Variants in TAFA4 observed in about 807,000 individuals in gnomAD.
TAFA4 encodes the protein chemokine-like protein TAFA-4.
A neutral mutation model predicts 21.1 loss-of-function variants in TAFA4; 20 were observed. The ratio of observed to expected loss-of-function variants is 0.95; its 90% CI spans 0.67 to 1.38. TAFA4 has a LOEUF of 1.38. TAFA4 is among the 40% of genes most tolerant of loss of function. The pLI, the probability that TAFA4 is intolerant of heterozygous loss-of-function variation, is 0.00. For synonymous variants in TAFA4, 71 were observed against 67.4 expected (o/e 1.05, Z -0.26); for missense variants, 211 against 180.9 (o/e 1.17, Z -0.95).
chr3:68,752,929 C>A lies in TAFA4; in HGVS notation c.220G>T (p.Val74Phe), dbSNP rs768423607. The stretch of plus-strand genomic sequence containing the variant: ...TGTCCCGGGAAGCAAGAGCACTTGA[C>A]CGTTTGTGACCGCTCTTCTATGCGG... ...KNRIEERSQT[V>F]KCSCFPGQVA... The change falls in exon 4 of 6, where the codon GTC (valine) becomes TTC (phenylalanine). Residue 74 changes from valine (V) to phenylalanine (F), a missense_variant. Val to Phe is a conservative substitution (Grantham distance 50). Coordinates refer to ENST00000295569, the MANE Select transcript of TAFA4 (RefSeq NM_182522.5). The A allele has an allele frequency of 6.2e-7, 1 of 1,614,072 alleles. No individual in the cohort carries two copies. The highest frequency in any genetic ancestry group is 8.5e-7 in the Non-Finnish European group (1 of 1,180,006).
intron 3 of TAFA4, among the ~76,000 whole-genome samples, chr3:68,870,141 C>T (rs1371710963): frequency 6.6e-6 from 1 of 151,808 alleles, no homozygotes; most frequent in African/African-American, 2.4e-5. Flanking sequence ...TAAATTAAAC[C>T]AGAGATGCAA....
At chr3:68,902,209 G>A (rs1187366670) in intron 1 of TAFA4, among the ~76,000 whole-genome samples, 1 of 152,034 alleles carries the variant, frequency 6.6e-6, no homozygotes, top group Non-Finnish European at 1.5e-5. Context: ...CTACCAAGTG[G>A]CAAAGCTAGA....
chr3:68,827,109 C>T (rs1458927732), intron 3 of TAFA4, among the ~76,000 whole-genome samples: 1 of 144,246 alleles, frequency 6.9e-6, no homozygotes, highest in African/African-American at 2.6e-5. Flanking sequence ...TTATTCAGCT[C>T]CCACTTATAA....
At chr3:68,866,214 A>G (rs2089414891) in intron 3 of TAFA4, among the ~76,000 whole-genome samples, 1 of 152,124 alleles carries the variant, frequency 6.6e-6, no homozygotes, top group South Asian at 2.1e-4. Flanking sequence ...CACACTGTAG[A>G]AGGCACATTC....
chr3:68,792,108 A>C (rs1480983005), intron 3 of TAFA4, among the ~76,000 whole-genome samples: 1 of 152,216 alleles, frequency 6.6e-6, no homozygotes, highest in South Asian at 2.1e-4. Context: ...TGTTCTTAGA[A>C]ACATGCCATC....
At chr3:68,773,249 C>G (rs954636708) in intron 3 of TAFA4, among the ~76,000 whole-genome samples, 1 of 152,130 alleles carries the variant, frequency 6.6e-6, no homozygotes, top group African/African-American at 2.4e-5. Context: ...ACTAGAATGA[C>G]TCATCGAACT....
At chr3:68,834,385 T>G (rs1380817098) in intron 3 of TAFA4, among the ~76,000 whole-genome samples, 1 of 152,214 alleles carries the variant, frequency 6.6e-6, no homozygotes, top group Non-Finnish European at 1.5e-5. Flanking sequence ...ATAACTTTTT[T>G]GTTAATTTAT....
chr3:68,771,355 G>A (rs561113617), intron 3 of TAFA4, among the ~76,000 whole-genome samples: 15 of 152,312 alleles, frequency 9.8e-5, no homozygotes, highest in African/African-American at 3.6e-4. Context: ...TGGGGCTTCG[G>A]GAATCGCAGA....
intron 3 of TAFA4, among the ~76,000 whole-genome samples, chr3:68,832,254 G>C (rs1237798257): frequency 1.3e-5 from 2 of 152,186 alleles, no homozygotes; most frequent in African/African-American, 2.4e-5. Context: ...TGGAGGAAAA[G>C]AGGCCTTCTG....
intron 4 of TAFA4, among the ~76,000 whole-genome samples, chr3:68,744,690 A>G (rs149766427): frequency 3.9e-5 from 6 of 152,292 alleles, no homozygotes; most frequent in Non-Finnish European, 7.4e-5. Flanking sequence ...CCGGATGTAT[A>G]TCACAGAACA....
intron 3 of TAFA4, among the ~76,000 whole-genome samples, chr3:68,833,241 T>C (rs962997075): frequency 1.1e-4 from 16 of 152,068 alleles, no homozygotes; most frequent in African/African-American, 2.4e-5. Flanking sequence ...GATACCTCAG[T>C]TGGAAATGCA....
chr3:68,860,735 A>T (rs2089325384), intron 3 of TAFA4, among the ~76,000 whole-genome samples: 1 of 152,160 alleles, frequency 6.6e-6, no homozygotes, highest in Admixed American at 6.5e-5. Context: ...AATCAAAAAA[A>T]ATGCATTTCA....
At chr3:68,885,086 G>T in intron 2 of TAFA4, 89 bp downstream of exon 2, 2 of 1,270,054 alleles carry the variant, frequency 1.6e-6, no homozygotes, top group Non-Finnish European at 2.2e-6. Flanking sequence ...CTTCTAAAAC[G>T]GATCATCAAC....
At chr3:68,887,271 T>A (rs1310433751) in intron 1 of TAFA4, among the ~76,000 whole-genome samples, 1 of 152,214 alleles carries the variant, frequency 6.6e-6, no homozygotes, top group Non-Finnish European at 1.5e-5. Context: ...ATAATGTCCT[T>A]TGGCTCTGTA....
chr3:68,827,804 GC>G (rs1221464973), intron 3 of TAFA4, among the ~76,000 whole-genome samples: 7 of 152,064 alleles, frequency 4.6e-5, no homozygotes, highest in African/African-American at 1.7e-4. Flanking sequence ...TGAGCAGATT[GC>G]AAAAATGTTC....
At chr3:68,733,540 T>C (rs1202243069) in intron 5 of TAFA4, among the ~76,000 whole-genome samples, 1 of 152,198 alleles carries the variant, frequency 6.6e-6, no homozygotes, top group Non-Finnish European at 1.5e-5. Context: ...ATGTTGCCTT[T>C]TTTATGTTAT....
intron 1 of TAFA4, among the ~76,000 whole-genome samples, chr3:68,922,805 G>A (rs78322192): frequency 0.014 from 2,108 of 152,248 alleles, 29 homozygotes; most frequent in Non-Finnish European, 0.022. Context: ...TTCATAGGAT[G>A]ATTAGTATAT....
intron 3 of TAFA4, among the ~76,000 whole-genome samples, chr3:68,841,344 A>AAAAAAG (rs376327182): frequency 0.019 from 1,404 of 73,482 alleles, 248 homozygotes; most frequent in African/African-American, 0.061. Context: ...AAATAAAAAA[A>AAAAAAG]AATAAAATCC....
chr3:68,882,867 G>A (rs778691461), intron 2 of TAFA4: 2 of 152,196 alleles, frequency 1.3e-5, no homozygotes, highest in African/African-American at 2.4e-5. Context: ...TTTGAGAAAC[G>A]AAAGGCCCTT....
Sources: gnomAD v4.1 joint callset for allele counts (sites outside exome capture counted in the v4.1 genomes callset) on GRCh38, gnomAD v4.1.1 for gene constraint, MANE v1.5 for transcripts, NCBI Gene and HGNC (gene_info 2026-07-23, HGNC 2026-07-21) for gene names.